Variants in QTMAN observed in about 807,000 individuals in gnomAD.
QTMAN encodes queuosine-tRNA mannosyltransferase, also known as tRNA-queuosine alpha-mannosyltransferase.
At chr2:144,119,746 G>A in the QTMAN span, among the ~76,000 whole-genome samples, 1 of 152,038 alleles carries the variant, frequency 6.6e-6, no homozygotes, top group East Asian at 1.9e-4. Context: ...ACAAATATAA[G>A]GAGTCTACTG....
At chr2:144,013,409 A>G in the QTMAN span, among the ~76,000 whole-genome samples, 1 of 152,166 alleles carries the variant, frequency 6.6e-6, no homozygotes, top group African/African-American at 2.4e-5. Flanking sequence ...TCTGAGAAGC[A>G]TGGGGCAGCC....
chr2:143,955,509 G>C, the QTMAN span, among the ~76,000 whole-genome samples: 1 of 151,934 alleles, frequency 6.6e-6, no homozygotes, highest in Non-Finnish European at 1.5e-5. Context: ...ATAAACTATT[G>C]AAAAAAATCC....
chr2:144,107,817 G>T, the QTMAN span, among the ~76,000 whole-genome samples: 1 of 152,084 alleles, frequency 6.6e-6, no homozygotes, highest in Non-Finnish European at 1.5e-5. Context: ...AGAATTTTAG[G>T]TCAATATCCC....
the QTMAN span, among the ~76,000 whole-genome samples, chr2:144,133,357 TATATA>T: frequency 1.8e-4 from 7 of 38,746 alleles, no homozygotes; most frequent in Non-Finnish European, 2.9e-4. Flanking sequence ...TATATGTATA[TATATA>T]ATATAATATA....
chr2:144,134,596 C>A, the QTMAN span, among the ~76,000 whole-genome samples: 2 of 151,976 alleles, frequency 1.3e-5, no homozygotes, highest in African/African-American at 4.8e-5. Flanking sequence ...TCTGACAATC[C>A]AATGTGGTGG....
At chr2:144,039,758 G>A in the QTMAN span, among the ~76,000 whole-genome samples, 1 of 152,070 alleles carries the variant, frequency 6.6e-6, no homozygotes, top group African/African-American at 2.4e-5. Flanking sequence ...AGGCACAAGG[G>A]CAACAGTGAA....
At chr2:144,010,579 T>C in the QTMAN span, among the ~76,000 whole-genome samples, 1 of 152,102 alleles carries the variant, frequency 6.6e-6, no homozygotes, top group African/African-American at 2.4e-5. Context: ...TAGTTCTGGA[T>C]CTTGTTGTAC....
At chr2:144,289,323 A>T in the QTMAN span, among the ~76,000 whole-genome samples, 1 of 152,202 alleles carries the variant, frequency 6.6e-6, no homozygotes, top group Non-Finnish European at 1.5e-5. Flanking sequence ...CACTGTGCCC[A>T]GCCAAGAAAA....
At chr2:144,085,016 GA>G in the QTMAN span, among the ~76,000 whole-genome samples, 1 of 152,132 alleles carries the variant, frequency 6.6e-6, no homozygotes, top group Non-Finnish European at 1.5e-5. Context: ...AGTGAATTTT[GA>G]CCTGTATGAA....
At chr2:144,162,126 T>G in the QTMAN span, among the ~76,000 whole-genome samples, 1 of 152,142 alleles carries the variant, frequency 6.6e-6, no homozygotes, top group Non-Finnish European at 1.5e-5. Context: ...AGTAACTACA[T>G]GCATTAAAAT....
chr2:144,266,146 A>C, the QTMAN span, among the ~76,000 whole-genome samples: 1 of 152,242 alleles, frequency 6.6e-6, no homozygotes, highest in Non-Finnish European at 1.5e-5. Flanking sequence ...AACAAGGTCA[A>C]GAGCAGAGTT....
the QTMAN span, among the ~76,000 whole-genome samples, chr2:144,072,385 C>T: frequency 6.6e-6 from 1 of 152,090 alleles, no homozygotes; most frequent in South Asian, 2.1e-4. Context: ...CAGCACAATT[C>T]AAAAGATAGG....
the QTMAN span, among the ~76,000 whole-genome samples, chr2:144,169,995 CAT>C: frequency 1.3e-5 from 2 of 152,010 alleles, no homozygotes; most frequent in Non-Finnish European, 2.9e-5. Context: ...TACATGCAAA[CAT>C]ATTTTATACA....
the QTMAN span, among the ~76,000 whole-genome samples, chr2:144,216,729 A>C: frequency 1.3e-5 from 2 of 152,204 alleles, no homozygotes; most frequent in Non-Finnish European, 2.9e-5. Context: ...GATTAAAGAG[A>C]TGGGAGAAAC....
the QTMAN span, among the ~76,000 whole-genome samples, chr2:144,084,390 C>A: frequency 6.6e-6 from 1 of 152,206 alleles, no homozygotes; most frequent in Non-Finnish European, 1.5e-5. Context: ...TCTTCCAATA[C>A]AGAATTATGG....
At chr2:144,055,989 C>T in the QTMAN span, among the ~76,000 whole-genome samples, 1 of 152,210 alleles carries the variant, frequency 6.6e-6, no homozygotes, top group Non-Finnish European at 1.5e-5. Flanking sequence ...CTTACCTCAC[C>T]TCTCTGTGAC....
chr2:144,290,191 T>A, the QTMAN span, among the ~76,000 whole-genome samples: 25 of 152,122 alleles, frequency 1.6e-4, no homozygotes, highest in Non-Finnish European at 2.5e-4. Context: ...GGCTGGGGGC[T>A]AAGGGGATGG....
At chr2:144,267,797 T>G in the QTMAN span, among the ~76,000 whole-genome samples, 1 of 152,192 alleles carries the variant, frequency 6.6e-6, no homozygotes, top group Non-Finnish European at 1.5e-5. Flanking sequence ...TTAGCCCTAA[T>G]AGCGATCTAA....
At chr2:144,116,067 T>C in the QTMAN span, among the ~76,000 whole-genome samples, 1 of 152,050 alleles carries the variant, frequency 6.6e-6, no homozygotes. Flanking sequence ...GTTGTATGAG[T>C]AGTACGTTGA....
Sources: allele counts gnomAD v4.1 joint callset (sites outside exome capture counted in the v4.1 genomes callset), GRCh38; gene constraint gnomAD v4.1.1; transcripts MANE v1.5; gene names NCBI Gene and HGNC (gene_info 2026-07-23, HGNC 2026-07-21).